Variants in SLC39A14 observed in about 807,000 individuals in gnomAD.
The protein encoded by SLC39A14 is metal cation symporter ZIP14.
A neutral mutation model predicts 45.5 loss-of-function variants in SLC39A14; 19 were observed. That is an observed-to-expected ratio of 0.42 (90% CI 0.29 to 0.61). The LOEUF is 0.61. SLC39A14 is among the 20% of genes least tolerant of loss of function. The pLI, the probability that SLC39A14 is intolerant of heterozygous loss-of-function variation, is 0.22. For missense variants in SLC39A14, 447 were observed against 616.5 expected, an observed-to-expected ratio of 0.73 and a Z score of 2.91; for synonymous variants, 264 against 251.3, an observed-to-expected ratio of 1.05 and a Z score of -0.48.
intron 1 of SLC39A14, among the ~76,000 whole-genome samples, chr8:22,394,820 A>C (rs1834292151): frequency 6.6e-6 from 1 of 152,110 alleles, no homozygotes; most frequent in Admixed American, 6.6e-5. Context: ...TGTTGTCTTT[A>C]CCAAATTGTG....
At chr8:22,391,292 C>T (rs778501305) in intron 1 of SLC39A14, among the ~76,000 whole-genome samples, 2 of 152,194 alleles carry the variant, frequency 1.3e-5, no homozygotes, top group East Asian at 1.9e-4. Context: ...AGGTCCTTTG[C>T]ATCCCCAATA....
intron 1 of SLC39A14, among the ~76,000 whole-genome samples, chr8:22,395,549 A>G (rs141194046): frequency 8.4e-4 from 128 of 152,366 alleles, no homozygotes; most frequent in African/African-American, 2.8e-3. Context: ...TTGCAACCTC[A>G]GGCTTAAATG....
downstream of SLC39A14, among the ~76,000 whole-genome samples, chr8:22,423,319 T>C (rs1320531920): frequency 6.7e-6 from 1 of 148,630 alleles, no homozygotes; most frequent in East Asian, 2.0e-4. Flanking sequence ...AATTTTTGAA[T>C]TTTGTTGTTG....
At chr8:22,383,348 C>G (rs2132207298) in intron 1 of SLC39A14, among the ~76,000 whole-genome samples, 1 of 152,136 alleles carries the variant, frequency 6.6e-6, no homozygotes, top group African/African-American at 2.4e-5. Context: ...CCAGAAGCAC[C>G]TCATCCACCC....
intron 4 of SLC39A14, among the ~76,000 whole-genome samples, chr8:22,413,199 A>G (rs1267334170): frequency 1.3e-5 from 2 of 152,208 alleles, no homozygotes; most frequent in African/African-American, 4.8e-5. Context: ...GTGGTCTCGC[A>G]GGCCTGGACA....
At chr8:22,368,539 G>T (rs112080447) in intron 1 of SLC39A14, among the ~76,000 whole-genome samples, 2,364 of 24,290 alleles carry the variant, frequency 0.097, 32 homozygotes, top group African/African-American at 0.28. Flanking sequence ...TTATTTTATT[G>T]TATTTTATTT....
intron 1 of SLC39A14, among the ~76,000 whole-genome samples, chr8:22,369,714 G>A (rs953970342): frequency 6.6e-6 from 1 of 152,248 alleles, no homozygotes; most frequent in East Asian, 1.9e-4. Flanking sequence ...CTCTCCAGCA[G>A]TGAGAAATTT....
At chr8:22,430,734 G>C (rs1229803848) in intron 8 of SLC39A14, among the ~76,000 whole-genome samples, 1 of 151,934 alleles carries the variant, frequency 6.6e-6, no homozygotes, top group East Asian at 1.9e-4. Flanking sequence ...GTGCAGTGGT[G>C]TGATCTCGGC....
At chr8:22,430,403 G>C (rs575968137) in intron 8 of SLC39A14, among the ~76,000 whole-genome samples, 1 of 152,206 alleles carries the variant, frequency 6.6e-6, no homozygotes, top group South Asian at 2.1e-4. Flanking sequence ...TGACAAATCA[G>C]TTTTATGCTT....
chr8:22,406,342 C>T (rs150744467), intron 2 of SLC39A14, among the ~76,000 whole-genome samples: 528 of 146,092 alleles, frequency 3.6e-3, no homozygotes, highest in African/African-American at 0.013. Context: ...CCAGCTACTC[C>T]GGAGGCTGAG....
chr8:22,423,642 T>G (rs1836327475), downstream of SLC39A14, among the ~76,000 whole-genome samples: 1 of 151,798 alleles, frequency 6.6e-6, no homozygotes, highest in African/African-American at 2.4e-5. Flanking sequence ...ATTTTTGAAT[T>G]TTTAATAGAG....
downstream of SLC39A14, among the ~76,000 whole-genome samples, chr8:22,426,108 T>G (rs1836383256): frequency 6.6e-6 from 1 of 152,074 alleles, no homozygotes; most frequent in African/African-American, 2.4e-5. Flanking sequence ...GTCAGGTTGG[T>G]CTCGAACTCC....
Position 22,419,751 on chromosome 8 carries a change from G to A in SLC39A14, c.*53G>A, listed in dbSNP as rs180878892. The A allele has an allele frequency of 1.1e-5, 16 of 1,516,736 alleles. No individual in the cohort carries two copies. The highest frequency in any genetic ancestry group is 1.4e-5 in the African/African-American group (1 of 71,834). The allele number at this position is 1,516,736 out of a possible 1,614,324, so 94.0% of individuals were successfully genotyped here. A position where few individuals can be genotyped will look rare whatever the true frequency, so the allele number is the denominator to read the frequency against. On this transcript the variant is annotated 3_prime_UTR_variant, in exon 9 of 9. Coordinates refer to ENST00000381237, the MANE Select transcript of SLC39A14 (RefSeq NM_001128431.4). The stretch of plus-strand genomic sequence containing the variant: ...AAGTCGGGCCCTGGGCTGCCCGATC[G>A]CCAGCCCGAGGACTTACCATCCACA...
chr8:22,372,146 C>T (rs1832974134), intron 1 of SLC39A14, among the ~76,000 whole-genome samples: 2 of 152,244 alleles, frequency 1.3e-5, no homozygotes, highest in Middle Eastern at 3.4e-3. Flanking sequence ...ATTTAGACTA[C>T]TTAGAAATTG....
intron 1 of SLC39A14, among the ~76,000 whole-genome samples, chr8:22,384,639 C>T (rs1397450335): frequency 6.6e-6 from 1 of 151,562 alleles, no homozygotes; most frequent in Non-Finnish European, 1.5e-5. Flanking sequence ...TCCAGCTACT[C>T]GCCAGGCTAA....
At chr8:22,383,843 C>A (rs1325251752) in intron 1 of SLC39A14, among the ~76,000 whole-genome samples, 1 of 152,154 alleles carries the variant, frequency 6.6e-6, no homozygotes, top group East Asian at 1.9e-4. Context: ...GGCTGTTTTC[C>A]ATCTGATGGG....
chr8:22,406,191 G>A (rs1159444457), intron 2 of SLC39A14, among the ~76,000 whole-genome samples: 1 of 152,224 alleles, frequency 6.6e-6, no homozygotes, highest in Non-Finnish European at 1.5e-5. Flanking sequence ...GCTCACGCCT[G>A]TAATCCCAGC....
intron 1 of SLC39A14, among the ~76,000 whole-genome samples, chr8:22,394,796 C>T (rs902982882): frequency 2.0e-5 from 3 of 152,080 alleles, no homozygotes. Context: ...CTTTCATGCC[C>T]CAGAATTTCT....
intron 3 of SLC39A14, chr8:22,409,922 T>G: frequency 1.9e-6 from 3 of 1,613,040 alleles, no homozygotes; most frequent in Non-Finnish European, 2.5e-6. Flanking sequence ...ATAGAGGCCC[T>G]CGTCTGTTCT....
Sources: allele counts gnomAD v4.1 joint callset (sites outside exome capture counted in the v4.1 genomes callset), GRCh38; gene constraint gnomAD v4.1.1; transcripts MANE v1.5; gene names NCBI Gene and HGNC (gene_info 2026-07-23, HGNC 2026-07-21).